EYA1: variants seen among roughly 807,000 people sequenced by gnomAD.
EYA1 encodes EYA transcriptional coactivator and phosphatase 1, also known as protein phosphatase EYA1.
In EYA1, 16 loss-of-function variants were observed where a neutral mutation model predicts 82.0. That is an observed-to-expected ratio of 0.20 (90% CI 0.13 to 0.30). The LOEUF (loss-of-function observed/expected upper bound fraction) is 0.30. EYA1 is among the 10% of genes least tolerant of loss of function. The pLI is 1.00. For missense variants in EYA1, 633 were observed against 730.7 expected, an observed-to-expected ratio of 0.87 and a Z score of 1.54; for synonymous variants, 261 against 264.4, an observed-to-expected ratio of 0.99 and a Z score of 0.12.
At chr8:71,451,953 A>G (rs1174740393) in intron 2 of EYA1, among the ~76,000 whole-genome samples, 1 of 152,166 alleles carries the variant, frequency 6.6e-6, no homozygotes, top group Admixed American at 6.5e-5. Flanking sequence ...ACCGAGCTTG[A>G]GCCAAAGCAG....
At chr8:71,474,701 C>A (rs748572604) in intron 2 of EYA1, among the ~76,000 whole-genome samples, 1 of 151,998 alleles carries the variant, frequency 6.6e-6, no homozygotes, top group Non-Finnish European at 1.5e-5. Flanking sequence ...ATTTCTCTCT[C>A]CCATGTCAAA....
At chr8:71,263,228 C>T (rs558932780) in intron 11 of EYA1, among the ~76,000 whole-genome samples, 19 of 152,318 alleles carry the variant, frequency 1.2e-4, no homozygotes, top group African/African-American at 4.6e-4. Context: ...GTCAATGGCA[C>T]AGGCAGAGGT....
chr8:71,342,642 G>A (rs80009941), intron 3 of EYA1, among the ~76,000 whole-genome samples: 2,427 of 152,228 alleles, frequency 0.016, 63 homozygotes, highest in African/African-American at 0.054. Context: ...GATAAAAAAT[G>A]TGTATTTTAA....
intron 6 of EYA1, among the ~76,000 whole-genome samples, chr8:71,319,081 ACTGAT>A (rs1043709047): frequency 1.7e-4 from 25 of 150,948 alleles, no homozygotes; most frequent in African/African-American, 5.6e-4. Flanking sequence ...TTGAGACTAT[ACTGAT>A]CTGCTTCCAG....
chr8:71,216,242 T>A (rs7834524), intron 14 of EYA1, among the ~76,000 whole-genome samples: 50,026 of 152,012 alleles, frequency 0.33, 8,974 homozygotes, highest in East Asian at 0.76. Context: ...GAAACCAACC[T>A]CACCCCTAAA....
intron 9 of EYA1, among the ~76,000 whole-genome samples, chr8:71,272,237 T>C (rs892838492): frequency 2.0e-5 from 3 of 152,132 alleles, no homozygotes; most frequent in Non-Finnish European, 4.4e-5. Flanking sequence ...TCACAGCACC[T>C]GGCCATACTG....
chr8:71,202,448 C>G (rs771952083), intron 17 of EYA1, among the ~76,000 whole-genome samples: 11 of 152,100 alleles, frequency 7.2e-5, no homozygotes, highest in Non-Finnish European at 1.5e-4. Flanking sequence ...TGCAAACAAC[C>G]CTAAGTTGGC....
chr8:71,305,324 T>C (rs1407476880), intron 7 of EYA1, among the ~76,000 whole-genome samples: 1 of 142,776 alleles, frequency 7.0e-6, no homozygotes, highest in African/African-American at 2.5e-5. Context: ...ATTCCCATTA[T>C]AACCCATTAT....
chr8:71,502,330 T>G (rs919946374), intron 2 of EYA1, among the ~76,000 whole-genome samples: 2 of 152,198 alleles, frequency 1.3e-5, no homozygotes, highest in Non-Finnish European at 2.9e-5. Context: ...CTTTGTCTGC[T>G]CCACATATTT....
intron 2 of EYA1, among the ~76,000 whole-genome samples, chr8:71,378,051 A>T (rs4738131): frequency 6.6e-6 from 1 of 151,916 alleles, no homozygotes; most frequent in Non-Finnish European, 1.5e-5. Flanking sequence ...CTCCCATGTG[A>T]TCTCATTCCC....
chr8:71,284,317 A>C (rs1818144221), intron 9 of EYA1, among the ~76,000 whole-genome samples: 1 of 152,248 alleles, frequency 6.6e-6, no homozygotes, highest in Non-Finnish European at 1.5e-5. Flanking sequence ...AGAGAAGCTG[A>C]ATCTTGCACA....
chr8:71,451,592 T>C (rs1200558083), intron 2 of EYA1, among the ~76,000 whole-genome samples: 2 of 152,148 alleles, frequency 1.3e-5, no homozygotes, highest in Non-Finnish European at 2.9e-5. Context: ...ATAATCAAGG[T>C]TCTTCTTTAA....
At chr8:71,358,889 T>C (rs1325349950) in intron 1 of EYA1, among the ~76,000 whole-genome samples, 1 of 152,172 alleles carries the variant, frequency 6.6e-6, no homozygotes, top group Non-Finnish European at 1.5e-5. Flanking sequence ...TTTTATTGTT[T>C]CTAGAAAAGT....
At chr8:71,486,778 C>T (rs1229541073) in intron 2 of EYA1, among the ~76,000 whole-genome samples, 1 of 152,012 alleles carries the variant, frequency 6.6e-6, no homozygotes, top group Non-Finnish European at 1.5e-5. Flanking sequence ...CCCAAACTCT[C>T]CCACCAGGGA....
intron 2 of EYA1, among the ~76,000 whole-genome samples, chr8:71,500,814 T>G (rs1334072399): frequency 6.6e-6 from 1 of 152,172 alleles, no homozygotes; most frequent in Non-Finnish European, 1.5e-5. Flanking sequence ...TGACTTTATT[T>G]CTACTGGTAT....
chr8:71,210,796 C>G (rs1236428135), intron 17 of EYA1, among the ~76,000 whole-genome samples: 1 of 152,246 alleles, frequency 6.6e-6, no homozygotes, highest in Non-Finnish European at 1.5e-5. Flanking sequence ...AGGCTGCGTC[C>G]AGGCTCAGGT....
chr8:71,463,149 G>A (rs1226938785), intron 2 of EYA1, among the ~76,000 whole-genome samples: 3 of 152,232 alleles, frequency 2.0e-5, no homozygotes, highest in Non-Finnish European at 4.4e-5. Context: ...ATCTCAATTT[G>A]GGACTAACCA....
At chr8:71,237,949 G>A (rs1812043681) in intron 12 of EYA1, among the ~76,000 whole-genome samples, 1 of 152,092 alleles carries the variant, frequency 6.6e-6, no homozygotes, top group Non-Finnish European at 1.5e-5. Flanking sequence ...AGTTAGAAAT[G>A]TTTATTGTTA....
chr8:71,420,861 A>G (rs975824345), intron 2 of EYA1, among the ~76,000 whole-genome samples: 1 of 152,222 alleles, frequency 6.6e-6, no homozygotes, highest in African/African-American at 2.4e-5. Context: ...CAAAGGTAAC[A>G]AACACCACAA....
Sources: gnomAD v4.1 joint callset for allele counts (sites outside exome capture counted in the v4.1 genomes callset) on GRCh38, gnomAD v4.1.1 for gene constraint, MANE v1.5 for transcripts, NCBI Gene and HGNC (gene_info 2026-07-23, HGNC 2026-07-21) for gene names.